Variants in CNTN4 observed in about 807,000 individuals in gnomAD.
CNTN4 encodes contactin-4.
Under a neutral mutation model 122.5 loss-of-function variants are expected in CNTN4, and 77 were observed. The observed-to-expected ratio is 0.63, with a 90% CI of 0.52 to 0.76. The LOEUF (loss-of-function observed/expected upper bound fraction) is 0.76, where lower values mean the gene tolerates loss of function less well. Among genes scored for constraint, CNTN4 ranks in the 30% least tolerant of loss-of-function variants. The pLI is 0.00. For synonymous variants in CNTN4, 512 were observed against 447.0 expected (o/e 1.15, Z -1.83); for missense variants, 1,256 against 1,259.1 (o/e 1.00, Z 0.04).
At position 2,460,653 on chromosome 3, in the gene CNTN4, C is replaced by T. The variant is rs73806604; in HGVS notation, c.-88-110763C>T. Among the ~76,000 whole-genome samples the T allele has an allele frequency of 4.9e-3, 747 of 152,230 alleles. 9 individuals carry two copies. The highest frequency in any genetic ancestry group is 0.016 in the African/African-American group (683 of 41,544). ...CTTAAGTGAAAAACAATTCATGTTT[C>T]GCTTTGGGTAGACTGAATGGCCTTT... On this transcript the variant is annotated intron_variant, in intron 3 of 24. Coordinates refer to ENST00000418658, the MANE Select transcript of CNTN4 (RefSeq NM_175607.3).
At chr3:2,106,314 C>T (rs779038843) in intron 2 of CNTN4, among the ~76,000 whole-genome samples, 5 of 152,224 alleles carry the variant, frequency 3.3e-5, no homozygotes, top group African/African-American at 7.2e-5. Context: ...GCTCCAACCC[C>T]CATTTCCCTT....
At chr3:2,225,716 C>T (rs147729555) in intron 2 of CNTN4, among the ~76,000 whole-genome samples, 23 of 152,302 alleles carry the variant, frequency 1.5e-4, no homozygotes, top group African/African-American at 4.6e-4. Context: ...TTACTGTTCA[C>T]GTCTGCCTTG....
chr3:2,438,318 T>G (rs113881826), intron 3 of CNTN4, among the ~76,000 whole-genome samples: 21 of 152,284 alleles, frequency 1.4e-4, no homozygotes, highest in African/African-American at 5.1e-4. Flanking sequence ...TGTCAGGAGA[T>G]GAAGACCAGG....
At chr3:2,551,030 A>G (rs1401827928) in intron 3 of CNTN4, among the ~76,000 whole-genome samples, 1 of 152,110 alleles carries the variant, frequency 6.6e-6, no homozygotes, top group East Asian at 1.9e-4. Context: ...GCAGCAAACC[A>G]TCATGGCACG....
At chr3:2,899,240 A>G (rs767298247) in intron 10 of CNTN4, among the ~76,000 whole-genome samples, 4 of 152,228 alleles carry the variant, frequency 2.6e-5, no homozygotes, top group Non-Finnish European at 5.9e-5. Flanking sequence ...AAAAGGTGAA[A>G]TACAGTTTGG....
intron 2 of CNTN4, among the ~76,000 whole-genome samples, chr3:2,195,111 A>G (rs987099910): frequency 6.6e-6 from 1 of 152,018 alleles, no homozygotes; most frequent in Non-Finnish European, 1.5e-5. Context: ...TACTATCCTT[A>G]TACTCTCTGC....
chr3:2,294,427 T>TTA (rs536856314), intron 2 of CNTN4, among the ~76,000 whole-genome samples: 1 of 152,048 alleles, frequency 6.6e-6, no homozygotes, highest in Non-Finnish European at 1.5e-5. Context: ...GCTGTGAAGT[T>TTA]TGAGTCCAGC....
intron 3 of CNTN4, among the ~76,000 whole-genome samples, chr3:2,382,752 C>G (rs2046074413): frequency 6.6e-6 from 1 of 152,064 alleles, no homozygotes; most frequent in African/African-American, 2.4e-5. Context: ...GTAGCATTGT[C>G]TGACAGAACT....
At chr3:2,347,066 G>GT (rs1303303086) in intron 3 of CNTN4, among the ~76,000 whole-genome samples, 1 of 152,118 alleles carries the variant, frequency 6.6e-6, no homozygotes. Flanking sequence ...GAGTCCTTCA[G>GT]TTTTTAAATT....
intron 2 of CNTN4, among the ~76,000 whole-genome samples, chr3:2,103,042 C>T (rs1357684709): frequency 6.6e-6 from 1 of 151,768 alleles, no homozygotes. Context: ...CCCTACTTTG[C>T]CCTTCTAATA....
At position 2,584,917 on chromosome 3, in the gene CNTN4, G is replaced by GATAGA. The variant is rs1559269659; in HGVS notation, c.55+13359_55+13360insATAGA. Reference sequence around the variant, plus strand: ...AGTAGGAAGGTAGGTAGGTAGGTAGGTAGATAGATAGATAGATAGATAGAT... The same window carrying GATAGA: ...AGTAGGAAGGTAGGTAGGTAGGTAGGATAGATAGATAGATAGATAGATAGATAGAT... On this transcript the variant is annotated intron_variant, in intron 4 of 24. Coordinates refer to ENST00000418658, the MANE Select transcript of CNTN4 (RefSeq NM_175607.3). 2.8e-3 allele frequency among the ~76,000 whole-genome samples: 428 copies of GATAGA among 151,254 alleles called. 2 individuals are homozygous for GATAGA. Among genetic ancestry groups the GATAGA allele is most frequent in the African/African-American group, 0.01 (413 of 41,072 alleles).
chr3:2,260,585 A>G (rs534273867), intron 2 of CNTN4, among the ~76,000 whole-genome samples: 24 of 152,202 alleles, frequency 1.6e-4, no homozygotes, highest in Non-Finnish European at 2.5e-4. Flanking sequence ...AGTCTTGTGA[A>G]AGCTCACTCA....
chr3:2,728,895 A>C (rs1046646395), intron 4 of CNTN4, among the ~76,000 whole-genome samples: 3 of 152,276 alleles, frequency 2.0e-5, no homozygotes, highest in African/African-American at 7.2e-5. Flanking sequence ...ATTTGATGTC[A>C]TGGGAAGATT....
chr3:2,426,101 T>C (rs2047820723), intron 3 of CNTN4, among the ~76,000 whole-genome samples: 1 of 152,204 alleles, frequency 6.6e-6, no homozygotes, highest in Admixed American at 6.5e-5. Context: ...CTTCCAACAC[T>C]ATGTTGAATA....
intron 6 of CNTN4, among the ~76,000 whole-genome samples, chr3:2,816,534 T>C (rs1435346853): frequency 1.3e-5 from 2 of 151,590 alleles, no homozygotes; most frequent in Non-Finnish European, 2.9e-5. Flanking sequence ...CTAAAGAACT[T>C]ACTCATGGCT....
chr3:2,108,803 A>T (rs769716507), intron 2 of CNTN4, among the ~76,000 whole-genome samples: 1 of 152,044 alleles, frequency 6.6e-6, no homozygotes, highest in African/African-American at 2.4e-5. Context: ...TTTTGTGAAG[A>T]TTATGTAGAG....
At chr3:2,750,599 T>C (rs2090042818) in intron 6 of CNTN4, among the ~76,000 whole-genome samples, 1 of 152,230 alleles carries the variant, frequency 6.6e-6, no homozygotes. Flanking sequence ...TACATTATTG[T>C]AATGTAATTG....
At chr3:2,163,076 A>T (rs1248383995) in intron 2 of CNTN4, among the ~76,000 whole-genome samples, 1 of 152,222 alleles carries the variant, frequency 6.6e-6, no homozygotes, top group Non-Finnish European at 1.5e-5. Flanking sequence ...CAGCCTGAGC[A>T]GCAAAACAAG....
At chr3:2,931,814 G>A (rs930298543) in intron 13 of CNTN4, among the ~76,000 whole-genome samples, 6 of 151,718 alleles carry the variant, frequency 4.0e-5, no homozygotes, top group East Asian at 1.9e-4. Flanking sequence ...GTTTTGTTTC[G>A]TTTTGTTGCT....
Sources: gnomAD v4.1 joint callset for allele counts (sites outside exome capture counted in the v4.1 genomes callset) on GRCh38, gnomAD v4.1.1 for gene constraint, MANE v1.5 for transcripts, NCBI Gene and HGNC (gene_info 2026-07-23, HGNC 2026-07-21) for gene names.